The following RPL27 variants were observed in gnomAD, a reference collection of about 807,000 sequenced individuals.
RPL27 encodes ribosomal protein L27.
For missense variants in RPL27, 131 were observed against 174.3 expected, an observed-to-expected ratio of 0.75 and a Z score of 1.40; for synonymous variants, 77 against 61.0, an observed-to-expected ratio of 1.26 and a Z score of -1.22.
intron 3 of RPL27, among the ~76,000 whole-genome samples, chr17:43,001,483 T>TGGTG (rs1055776161): frequency 2.6e-5 from 4 of 151,318 alleles, no homozygotes; most frequent in Non-Finnish European, 5.9e-5. Flanking sequence ...TAGCTGGGCA[T>TGGTG]GGTGGCTGGC....
chr17:43,002,399 C>T (rs1016626488), intron 3 of RPL27, among the ~76,000 whole-genome samples: 1 of 151,616 alleles, frequency 6.6e-6, no homozygotes, highest in African/African-American at 2.4e-5. Flanking sequence ...CCCAGCTACT[C>T]GGGAGGCTGA....
At position 42,998,460 on chromosome 17, in the gene RPL27, TGGTTGCTGCC is replaced by T. The variant is rs2050322814; in HGVS notation, c.-10_-3+2del. On this transcript the variant is annotated splice_region_variant and 5_prime_UTR_variant, in exon 1 of 5. Transcript: ENST00000253788. ...TTTCCTTTTTGCTGGTAGGGCCGGG[TGGTTGCTGCC>T]GGTAAGTAGAAGCTTGGGTTGAATC... is the stretch of plus-strand genomic sequence containing the variant. 1 of 293,566 alleles carries T rather than the reference TGGTTGCTGCC, an allele frequency of 3.4e-6. No homozygotes were observed. Among genetic ancestry groups the T allele is most frequent in the African/African-American group, 2.3e-5 (1 of 44,182 alleles). 18.2% of individuals were successfully genotyped at this position (293,566 alleles called of 1,614,324 possible).
intron 3 of RPL27, among the ~76,000 whole-genome samples, 165 bp from the exon 4 acceptor site, chr17:43,002,506 CAA>C (rs576406334): frequency 7.0e-6 from 1 of 142,874 alleles, no homozygotes; most frequent in African/African-American, 2.6e-5. Flanking sequence ...GACTCCGTCT[CAA>C]AAAAAAAAAA....
Position 43,002,902 on chromosome 17 carries a change from C to T in RPL27, c.393C>T (p.Phe131=), listed in dbSNP as rs1439617239. The stretch of plus-strand genomic sequence containing the variant: ...AGACAGGCAAGAACAAGTGGTTCTT[C>T]CAGAAACTGCGGTTTTAGATGCTTT... ...RYKTGKNKWF[F]QKLRF Residue 131 remains phenylalanine (F), a synonymous_variant, in exon 5 of 5, where the codon TTC becomes TTT. Transcript: ENST00000253788. 2 of 1,613,470 alleles carry T rather than the reference C, an allele frequency of 1.2e-6. No individual in the cohort carries two copies. Among genetic ancestry groups the T allele is most frequent in the East Asian group, 2.2e-5 (1 of 44,902 alleles).
At position 43,002,669 on chromosome 17, in the gene RPL27, C is replaced by T; in HGVS notation, c.252-4C>T. On this transcript the variant is annotated splice_polypyrimidine_tract_variant and splice_region_variant and intron_variant, in intron 3 of 4. Transcript: ENST00000253788. ...TAATCCTGCCTCTCCACCTTTGTCC[C>T]CAGGTACTCTGTGGATATCCCCTTG... The T allele has an allele frequency of 6.3e-7, 1 of 1,579,452 alleles. No individual in the cohort carries two copies. The highest frequency in any genetic ancestry group is 1.3e-5 in the African/African-American group (1 of 74,310).
intron 3 of RPL27, among the ~76,000 whole-genome samples, chr17:43,002,347 A>T (rs1377580555): frequency 4.6e-5 from 7 of 151,394 alleles, no homozygotes; most frequent in East Asian, 2.0e-4. Flanking sequence ...CTACTAAAAA[A>T]ATACAAAAAA....
In RPL27 at chr17:43,001,555, A is replaced by G. The variant is rs2050362405; in HGVS notation, c.252-1118A>G. Among the ~76,000 whole-genome samples the G allele has an allele frequency of 1.3e-5, 2 of 151,576 alleles. 1 individual carries two copies. Among genetic ancestry groups the G allele is most frequent in the African/African-American group, 4.9e-5 (2 of 40,920 alleles). Reference sequence around the variant, plus strand: ...AGAATCGCTTGAGTTTGGGAGGTGGAGGCTACAGTGAGCTGAGATGGCACC... The same window carrying G: ...AGAATCGCTTGAGTTTGGGAGGTGGGGGCTACAGTGAGCTGAGATGGCACC... On this transcript the variant is annotated intron_variant, in intron 3 of 4. Transcript: ENST00000253788.
intron 3 of RPL27, among the ~76,000 whole-genome samples, chr17:43,001,536 G>A (rs535544034): frequency 1.6e-4 from 25 of 151,608 alleles, no homozygotes; most frequent in African/African-American, 5.6e-4. Context: ...TGGGAGAATC[G>A]CTTGAGTTTG....
At chr17:43,000,673 T>C (rs2050351431) in intron 3 of RPL27, among the ~76,000 whole-genome samples, 1 of 147,774 alleles carries the variant, frequency 6.8e-6, no homozygotes, top group African/African-American at 2.5e-5. Flanking sequence ...CTCGATCTCC[T>C]GACCTCGTGA....
chr17:42,999,622 C>T, intron 2 of RPL27: 1 of 283,536 alleles, frequency 3.5e-6, no homozygotes. Context: ...ACTTCACTAG[C>T]AGTGGAGCAA....
Position 43,000,052 on chromosome 17 carries a change from G to C in RPL27, c.201G>C (p.Lys67Asn). 6.2e-7 allele frequency: 1 copy of C among 1,613,174 alleles called. No individual in the cohort carries two copies. Among genetic ancestry groups the C allele is most frequent in the Non-Finnish European group, 8.5e-7 (1 of 1,179,962 alleles). ...MGKKKIAKRS[K>N]IKSFVKVYNY... ...AGAAGAAGATCGCCAAGAGATCAAA[G>C]ATAAAATCTTTTGTGAAAGTGTATA... The change falls in exon 3 of 5, where the codon AAG becomes AAC. Residue 67 changes from lysine (K) to asparagine (N), a missense_variant. By Grantham distance (94) the Lys-to-Asn change is moderately conservative. Coordinates refer to ENST00000253788, the MANE Select transcript of RPL27 (RefSeq NM_000988.5).
At position 42,998,789 on chromosome 17, in the gene RPL27, C is replaced by A. The variant is rs770107343; in HGVS notation, c.39C>A (p.Val13=). 6.2e-7 allele frequency: 1 copy of A among 1,613,960 alleles called. No homozygotes were observed. The highest frequency in any genetic ancestry group is 1.1e-5 in the South Asian group (1 of 91,060). Residue 13 remains valine, a synonymous_variant, in exon 2 of 5, where the codon GTC becomes GTA. Transcript: ENST00000253788. ...KFMKPGKVVL[V]LAGRYSGRKA... ...TGAAACCTGGGAAGGTGGTGCTTGT[C>A]CTGGCTGGACGCTACTCCGGACGCA...
chr17:42,999,035 TCTC>T, intron 2 of RPL27: 1 of 558,008 alleles, frequency 1.8e-6, no homozygotes, highest in East Asian at 3.2e-5. Flanking sequence ...CATAAAGCCT[TCTC>T]CACCAGAGGC....
chr17:42,999,424 C>G (rs1244619626), intron 2 of RPL27: 1 of 155,450 alleles, frequency 6.4e-6, no homozygotes, highest in African/African-American at 2.4e-5. Flanking sequence ...AGAAAGGTCA[C>G]ATAGCCCCTC....
chr17:43,000,170 G>A, intron 3 of RPL27, 68 bp downstream of exon 3: 1 of 1,243,838 alleles, frequency 8.0e-7, no homozygotes, highest in Non-Finnish European at 1.2e-6. Flanking sequence ...GACAGACCTT[G>A]CAGCCATTCC....
intron 2 of RPL27, 106 bp from the exon 3 acceptor site, chr17:42,999,827 T>C (rs2050340065): frequency 1.2e-6 from 1 of 803,146 alleles, no homozygotes; most frequent in Admixed American, 2.4e-5. Flanking sequence ...TAATGGTGGA[T>C]CTTGGAGACC....
At position 42,998,837 on chromosome 17, in the gene RPL27, A is replaced by G. The variant is rs1166957409; in HGVS notation, c.81+6A>G. The G allele has an allele frequency of 4.3e-6, 7 of 1,612,878 alleles. No homozygotes were observed. Among genetic ancestry groups the G allele is most frequent in the Non-Finnish European group, 5.9e-6 (7 of 1,179,126 alleles). Reference sequence around the variant, plus strand: ...GCAAAGCTGTCATCGTGAAGGTATCAGCCTCGCGGGACTCTGCGTCCTTGC... The same window carrying G: ...GCAAAGCTGTCATCGTGAAGGTATCGGCCTCGCGGGACTCTGCGTCCTTGC... On this transcript the variant is annotated splice_donor_region_variant and intron_variant, in intron 2 of 4. Transcript: ENST00000253788.
chr17:42,999,476 A>C (rs946204807), intron 2 of RPL27: 1 of 156,630 alleles, frequency 6.4e-6, no homozygotes, highest in Non-Finnish European at 1.4e-5. Flanking sequence ...TTCTTGAGAG[A>C]GTTCCCTAGG....
chr17:43,000,300 C>T (rs1344630284), intron 3 of RPL27, among the ~76,000 whole-genome samples, 198 bp downstream of exon 3: 5 of 152,170 alleles, frequency 3.3e-5, no homozygotes, highest in Non-Finnish European at 7.3e-5. Flanking sequence ...TTTCCATCCA[C>T]AGTAAACACA....
Sources: allele counts gnomAD v4.1 joint callset (sites outside exome capture counted in the v4.1 genomes callset), GRCh38; gene constraint gnomAD v4.1.1; transcripts MANE v1.5; gene names NCBI Gene and HGNC (gene_info 2026-07-23, HGNC 2026-07-21).